Variants in DOCK3 observed in about 807,000 individuals in gnomAD.
DOCK3 encodes dedicator of cytokinesis 3, also known as dedicator of cytokinesis protein 3.
A neutral mutation model predicts 265.6 loss-of-function variants in DOCK3; 60 were observed. The ratio of observed to expected loss-of-function variants is 0.23; its 90% confidence interval spans 0.18 to 0.28. The LOEUF (loss-of-function observed/expected upper bound fraction) is 0.28, where lower values mean the gene tolerates loss of function less well. Among genes scored for constraint, DOCK3 ranks in the 10% least tolerant of loss-of-function variants. The pLI, the probability that DOCK3 is intolerant of heterozygous loss-of-function variation, is 1.00. For synonymous variants in DOCK3, 881 were observed against 938.0 expected, an observed-to-expected ratio of 0.94 and a Z score of 1.11; for missense variants, 1,981 against 2,594.3, an observed-to-expected ratio of 0.76 and a Z score of 5.14.
At chr3:51,080,082 A>G (rs1291851401) in intron 7 of DOCK3, among the ~76,000 whole-genome samples, 1 of 152,218 alleles carries the variant, frequency 6.6e-6, no homozygotes, top group Non-Finnish European at 1.5e-5. Context: ...TCATCCTTTC[A>G]TAGATTCTGA....
rs1046258468 is a variant in DOCK3, at chr3:51,191,378, A to G, written c.1038-17396A>G. ...ACTTCCGTGAGGTCCCCTGTGACGT[A>G]GAATGAGGAATGGCTTCCCTTGGTC... is the stretch of plus-strand genomic sequence containing the variant. On this transcript the variant is annotated intron_variant, in intron 12 of 52. Transcript: ENST00000266037. Among the ~76,000 whole-genome samples the G allele has an allele frequency of 2.0e-5, 3 of 152,284 alleles. No individual in the cohort carries two copies. In the South Asian group the frequency reaches 6.2e-4, roughly 32 times the overall value.
intron 12 of DOCK3, among the ~76,000 whole-genome samples, chr3:51,180,892 A>G (rs532311646): frequency 1.3e-5 from 2 of 152,362 alleles, no homozygotes; most frequent in African/African-American, 4.8e-5. Context: ...GGGAAGAGGC[A>G]GAACTGAGAT....
chr3:51,111,072 A>G (rs554858137), intron 9 of DOCK3, among the ~76,000 whole-genome samples: 2 of 152,330 alleles, frequency 1.3e-5, no homozygotes, highest in Admixed American at 1.3e-4. Context: ...AGGTAGTCCC[A>G]TTCACAATTG....
chr3:51,367,023 A>T (rs1440423623), intron 49 of DOCK3, among the ~76,000 whole-genome samples: 1 of 152,204 alleles, frequency 6.6e-6, no homozygotes, highest in East Asian at 1.9e-4. Context: ...TGCAGAGCTG[A>T]GTTCAATTCC....
intron 9 of DOCK3, among the ~76,000 whole-genome samples, chr3:51,133,498 C>A (rs2084656318): frequency 6.6e-6 from 1 of 151,996 alleles, no homozygotes; most frequent in Non-Finnish European, 1.5e-5. Context: ...TGAACTCATC[C>A]TTTTTTATGG....
Position 50,845,350 on chromosome 3 carries a change from A to C in DOCK3, c.162+3635A>C, listed in dbSNP as rs955889637. On this transcript the variant is annotated intron_variant, in intron 3 of 52. Coordinates refer to ENST00000266037, the MANE Select transcript of DOCK3 (RefSeq NM_004947.5). The stretch of plus-strand genomic sequence containing the variant: ...ATATATGCTCAAGAGGAATAATGAA[A>C]TTCAGTACAGTTTATATTTACTTCC... Among the ~76,000 whole-genome samples, 12 of 152,294 alleles carry C rather than the reference A, an allele frequency of 7.9e-5. 1 individual carries two copies. The highest frequency in any genetic ancestry group is 2.9e-4 in the African/African-American group (12 of 41,566).
chr3:51,062,147 A>G (rs2081432349), intron 5 of DOCK3, among the ~76,000 whole-genome samples: 1 of 152,152 alleles, frequency 6.6e-6, no homozygotes, highest in Non-Finnish European at 1.5e-5. Flanking sequence ...GTTTATCTTC[A>G]ATAGAGCACT....
intron 1 of DOCK3, among the ~76,000 whole-genome samples, chr3:50,773,422 T>C (rs2041402353): frequency 1.3e-5 from 2 of 152,100 alleles, no homozygotes; most frequent in Non-Finnish European, 2.9e-5. Flanking sequence ...AAGATAGTTA[T>C]GGAAATGTAA....
intron 5 of DOCK3, among the ~76,000 whole-genome samples, chr3:50,983,415 C>T (rs1337216450): frequency 1.3e-5 from 2 of 152,132 alleles, no homozygotes; most frequent in Non-Finnish European, 2.9e-5. Context: ...CGCCTCTGGA[C>T]CAGTCATACA....
At chr3:51,028,034 G>A (rs1266420127) in intron 5 of DOCK3, among the ~76,000 whole-genome samples, 1 of 151,914 alleles carries the variant, frequency 6.6e-6, no homozygotes, top group Admixed American at 6.6e-5. Flanking sequence ...AGGGTCTGTG[G>A]GTTTTGTACC....
At position 51,231,415 on chromosome 3, in the gene DOCK3, C is replaced by T. The variant is rs2090543621; in HGVS notation, c.1917+1806C>T. On this transcript the variant is annotated intron_variant, in intron 19 of 52. Coordinates refer to ENST00000266037, the MANE Select transcript of DOCK3 (RefSeq NM_004947.5). Reference sequence around the variant, plus strand: ...AAGTGCTGGGATTACAGAAGTGAGCCACCACACCCAGGCTTTTTGACATTT... The same window carrying T: ...AAGTGCTGGGATTACAGAAGTGAGCTACCACACCCAGGCTTTTTGACATTT... Among the ~76,000 whole-genome samples the T allele has an allele frequency of 2.0e-5, 3 of 152,230 alleles. No homozygotes were observed. In the South Asian group the frequency reaches 6.2e-4, roughly 32 times the overall value.
At chr3:51,311,705 G>T (rs1047416759) in intron 28 of DOCK3, among the ~76,000 whole-genome samples, 2 of 152,104 alleles carry the variant, frequency 1.3e-5, no homozygotes, top group East Asian at 1.9e-4. Context: ...CCTTTTATAG[G>T]CAGGGAAAAT....
chr3:51,098,097 C>G (rs1056232149), intron 9 of DOCK3, among the ~76,000 whole-genome samples: 8 of 151,866 alleles, frequency 5.3e-5, no homozygotes, highest in African/African-American at 1.9e-4. Flanking sequence ...TGCTCTTTTG[C>G]CCAGACTGGA....
chr3:51,158,681 T>G (rs2085979404), intron 10 of DOCK3, among the ~76,000 whole-genome samples: 1 of 152,232 alleles, frequency 6.6e-6, no homozygotes, highest in Non-Finnish European at 1.5e-5. Context: ...TTTTCAACTA[T>G]AATTTAGTAC....
chr3:50,778,547 T>C (rs1354161102), intron 1 of DOCK3, 128 bp from the exon 2 acceptor site: 3 of 614,756 alleles, frequency 4.9e-6, no homozygotes, highest in Non-Finnish European at 8.6e-6. Flanking sequence ...GGGCTTACAC[T>C]TTAGAAAGAG....
intron 35 of DOCK3, 63 bp downstream of exon 35, chr3:51,333,316 C>A (rs2084652192): frequency 1.3e-6 from 2 of 1,515,684 alleles, no homozygotes; most frequent in Admixed American, 3.3e-5. Context: ...GCAAGGGAAT[C>A]CCCCTGACCT....
At chr3:51,254,108 C>T (rs1306906611) in intron 22 of DOCK3, among the ~76,000 whole-genome samples, 3 of 152,078 alleles carry the variant, frequency 2.0e-5, no homozygotes, top group Admixed American at 6.6e-5. Context: ...TTATTTCTGC[C>T]TTCATTTTGT....
At chr3:50,926,634 G>A (rs373380760) in intron 4 of DOCK3, among the ~76,000 whole-genome samples, 1 of 152,182 alleles carries the variant, frequency 6.6e-6, no homozygotes, top group Non-Finnish European at 1.5e-5. Context: ...TAGCATGGGT[G>A]CCCACTATAG....
chr3:51,293,495 C>T (rs944283417), intron 27 of DOCK3, among the ~76,000 whole-genome samples: 1 of 152,042 alleles, frequency 6.6e-6, no homozygotes. Flanking sequence ...GGATTGAAGA[C>T]CTGAAATGAT....
Sources: gnomAD v4.1 joint callset for allele counts (sites outside exome capture counted in the v4.1 genomes callset) on GRCh38, gnomAD v4.1.1 for gene constraint, MANE v1.5 for transcripts, NCBI Gene and HGNC (gene_info 2026-07-23, HGNC 2026-07-21) for gene names.